The following PRP4K variants were observed in gnomAD, a reference collection of about 807,000 sequenced individuals.
The protein encoded by PRP4K is serine/threonine-protein kinase PRP4 homolog.
chr6:4,038,058 T>A, the PRP4K span, among the ~76,000 whole-genome samples: 23 of 152,276 alleles, frequency 1.5e-4, no homozygotes, highest in Admixed American at 7.8e-4. Flanking sequence ...AAGCAGGGAA[T>A]CATTTTTTAA....
At chr6:4,052,924 T>G in the PRP4K span, 1 of 1,488,834 alleles carries the variant, frequency 6.7e-7, no homozygotes, top group South Asian at 1.3e-5. Flanking sequence ...ACATTTCACT[T>G]CTTACTAGCA....
the PRP4K span, among the ~76,000 whole-genome samples, chr6:4,029,159 C>G: frequency 6.7e-6 from 1 of 148,360 alleles, no homozygotes; most frequent in East Asian, 2.0e-4. Flanking sequence ...GCTGGGACTA[C>G]AGGTGTGCAC....
chr6:4,040,429 G>C, the PRP4K span, among the ~76,000 whole-genome samples: 1 of 152,042 alleles, frequency 6.6e-6, no homozygotes, highest in Non-Finnish European at 1.5e-5. Flanking sequence ...GGTGCTGTAC[G>C]AATACAAAGA....
chr6:4,057,777 C>T, the PRP4K span, among the ~76,000 whole-genome samples: 84,400 of 128,420 alleles, frequency 0.66, 27,299 homozygotes, highest in East Asian at 0.78. Flanking sequence ...TTTTTTGAGA[C>T]GGAGTCTTGC....
chr6:4,032,569 A>C, the PRP4K span: 1 of 1,613,528 alleles, frequency 6.2e-7, no homozygotes, highest in South Asian at 1.1e-5. Context: ...CGTAGTCCTA[A>C]AAGAAGAAGT....
the PRP4K span, chr6:4,051,931 T>C: frequency 6.9e-7 from 1 of 1,443,766 alleles, no homozygotes; most frequent in South Asian, 1.3e-5. Context: ...TATTCAATTT[T>C]ACCCCAATTT....
chr6:4,046,250 C>T, the PRP4K span, among the ~76,000 whole-genome samples: 25 of 152,242 alleles, frequency 1.6e-4, no homozygotes, highest in African/African-American at 6.0e-4. Context: ...ACCATTTTGC[C>T]GTCTTTCTGA....
At chr6:4,024,925 C>T in the PRP4K span, among the ~76,000 whole-genome samples, 2 of 152,076 alleles carry the variant, frequency 1.3e-5, no homozygotes, top group Admixed American at 6.6e-5. Flanking sequence ...ATTTTAAAGG[C>T]GTTCCACGAT....
the PRP4K span, among the ~76,000 whole-genome samples, chr6:4,033,683 A>C: frequency 6.6e-6 from 1 of 152,198 alleles, no homozygotes; most frequent in Admixed American, 6.5e-5. Context: ...CTGTGTTCAT[A>C]ATAATATTTT....
At chr6:4,061,486 A>G in the PRP4K span, 1 of 152,662 alleles carries the variant, frequency 6.6e-6, no homozygotes, top group Non-Finnish European at 1.5e-5. Context: ...TTTACTAATT[A>G]CAAATGTTGA....
At chr6:4,051,468 C>T in the PRP4K span, among the ~76,000 whole-genome samples, 1 of 151,844 alleles carries the variant, frequency 6.6e-6, no homozygotes, top group African/African-American at 2.4e-5. Flanking sequence ...AGGCACCCGC[C>T]ACCACCCTTG....
At chr6:4,029,245 A>G in the PRP4K span, among the ~76,000 whole-genome samples, 1 of 151,066 alleles carries the variant, frequency 6.6e-6, no homozygotes, top group African/African-American at 2.4e-5. Flanking sequence ...TTTGCTATAT[A>G]TAACTGCCTT....
the PRP4K span, among the ~76,000 whole-genome samples, chr6:4,048,397 A>AG: frequency 7.0e-6 from 1 of 143,360 alleles, no homozygotes; most frequent in African/African-American, 2.5e-5. Context: ...AAAAAAAAAA[A>AG]GAATAATCAG....
At chr6:4,054,664 G>A in the PRP4K span, among the ~76,000 whole-genome samples, 1 of 152,102 alleles carries the variant, frequency 6.6e-6, no homozygotes, top group Non-Finnish European at 1.5e-5. Context: ...GGGCCACCAC[G>A]CCCAGCTAAT....
At chr6:4,048,941 C>A in the PRP4K span, 1 of 969,752 alleles carries the variant, frequency 1.0e-6, no homozygotes, top group South Asian at 1.6e-5. Context: ...TGGTGTTACC[C>A]TTTTGTGTTT....
chr6:4,032,871 G>A, the PRP4K span: 16 of 1,148,858 alleles, frequency 1.4e-5, no homozygotes, highest in Non-Finnish European at 1.8e-5. Context: ...AATAAATGAA[G>A]TAGTAATGAG....
At chr6:4,029,012 CT>C in the PRP4K span, among the ~76,000 whole-genome samples, 24 of 132,564 alleles carry the variant, frequency 1.8e-4, no homozygotes, top group South Asian at 7.0e-4. Context: ...TACTTGGAAT[CT>C]TTTTTTTTTT....
At chr6:4,036,623 T>A in the PRP4K span, among the ~76,000 whole-genome samples, 12 of 151,936 alleles carry the variant, frequency 7.9e-5, no homozygotes, top group Admixed American at 3.3e-4. Flanking sequence ...CAGGCGGTCC[T>A]CCCTCAGCCT....
the PRP4K span, among the ~76,000 whole-genome samples, chr6:4,022,943 TTATTCACA>T: frequency 1.3e-5 from 2 of 152,222 alleles, no homozygotes; most frequent in Non-Finnish European, 2.9e-5. Flanking sequence ...CAGCCATAGT[TTATTCACA>T]TACTGTATTC....
Sources: gnomAD v4.1 joint callset for allele counts (sites outside exome capture counted in the v4.1 genomes callset) on GRCh38, gnomAD v4.1.1 for gene constraint, MANE v1.5 for transcripts, NCBI Gene and HGNC (gene_info 2026-07-23, HGNC 2026-07-21) for gene names.